TMTC1: variants seen among roughly 807,000 people sequenced by gnomAD.
TMTC1 encodes the protein protein O-mannosyl-transferase TMTC1.
Under a neutral mutation model 104.8 loss-of-function variants are expected in TMTC1, and 73 were observed. That is an observed-to-expected ratio of 0.70 (90% CI 0.58 to 0.85). TMTC1 has a LOEUF of 0.85. Ranked by LOEUF, TMTC1 falls within the 40% of genes least tolerant of loss-of-function variation. The pLI, the probability that TMTC1 is intolerant of heterozygous loss-of-function variation, is 0.00. For synonymous variants in TMTC1, 434 were observed against 428.7 expected (o/e 1.01, Z -0.15); for missense variants, 1,035 against 1,096.1 (o/e 0.94, Z 0.79).
chr12:29,644,052 A>AAATATATAATTTATATATG lies in TMTC1; in HGVS notation c.939-10717_939-10716insCATATATAAATTATATATT, dbSNP rs1565734832. On this transcript the variant is annotated intron_variant, in intron 5 of 17. Coordinates refer to ENST00000539277, the MANE Select transcript of TMTC1 (RefSeq NM_001193451.2). ...AAATATAAATATATAATTTATATAT[A>AAATATATAATTTATATATG]AATATAAATATATAATTTATAGATA... Among the ~76,000 whole-genome samples the AAATATATAATTTATATATG allele has an allele frequency of 3.0e-3, 106 of 35,850 alleles. 2 individuals carry two copies. Among genetic ancestry groups the AAATATATAATTTATATATG allele is most frequent in the African/African-American group, 7.6e-3 (102 of 13,404 alleles). 23.5% of individuals were successfully genotyped at this position (35,850 alleles called of 152,430 possible).
intron 1 of TMTC1, among the ~76,000 whole-genome samples, chr12:29,780,652 T>A (rs918133827): frequency 3.1e-5 from 4 of 130,600 alleles, no homozygotes; most frequent in Non-Finnish European, 5.2e-5. Context: ...ACACACTTAG[T>A]AAAATAAAAA....
chr12:29,627,937 G>A (rs1044829197), intron 6 of TMTC1, among the ~76,000 whole-genome samples: 1 of 152,136 alleles, frequency 6.6e-6, no homozygotes, highest in African/African-American at 2.4e-5. Flanking sequence ...ATACCAAAAA[G>A]ACGCAGCTTC....
chr12:29,568,780 T>C (rs963373324), intron 9 of TMTC1: 1 of 385,322 alleles, frequency 2.6e-6, no homozygotes. Flanking sequence ...CGGGGCTTAT[T>C]AGCTGAGGCA....
chr12:29,692,927 T>G lies in TMTC1; in HGVS notation c.938+58739A>C, dbSNP rs777197438. Among the ~76,000 whole-genome samples the G allele has an allele frequency of 1.6e-4, 23 of 144,958 alleles. 4 individuals are homozygous for G. The highest frequency in any genetic ancestry group is 2.1e-4 in the Non-Finnish European group (14 of 66,214). On this transcript the variant is annotated intron_variant, in intron 5 of 17. Transcript: ENST00000539277. The stretch of plus-strand genomic sequence containing the variant: ...GTTTTATTATTATATTTATATGTAA[T>G]GTCTAGAAAAGGCGAATCTACAAAA...
intron 1 of TMTC1, among the ~76,000 whole-genome samples, chr12:29,773,341 C>G (rs1943636579): frequency 6.6e-6 from 1 of 152,148 alleles, no homozygotes; most frequent in Non-Finnish European, 1.5e-5. Flanking sequence ...TCTGCTTCCT[C>G]ACTCCCACAG....
chr12:29,682,353 A>T (rs1426422173), intron 5 of TMTC1, among the ~76,000 whole-genome samples: 1 of 152,182 alleles, frequency 6.6e-6, no homozygotes, highest in Non-Finnish European at 1.5e-5. Context: ...ACATACAGTT[A>T]CCATAAAGCC....
At chr12:29,603,139 G>C (rs570262896) in intron 7 of TMTC1, among the ~76,000 whole-genome samples, 1 of 151,940 alleles carries the variant, frequency 6.6e-6, no homozygotes, top group Non-Finnish European at 1.5e-5. Flanking sequence ...TCCCAAATTG[G>C]GCTGAAGACA....
At chr12:29,541,206 T>A (rs911192454) in intron 10 of TMTC1, among the ~76,000 whole-genome samples, 4 of 152,282 alleles carry the variant, frequency 2.6e-5, no homozygotes, top group African/African-American at 9.6e-5. Flanking sequence ...CAAGCCTAAC[T>A]TAGAATCATA....
At chr12:29,586,610 T>C (rs991733007) in intron 7 of TMTC1, among the ~76,000 whole-genome samples, 4 of 152,066 alleles carry the variant, frequency 2.6e-5, no homozygotes, top group Non-Finnish European at 5.9e-5. Context: ...ATACATCCCA[T>C]CAATACCTAA....
At chr12:29,560,657 T>C (rs891354694) in intron 9 of TMTC1, among the ~76,000 whole-genome samples, 2 of 152,172 alleles carry the variant, frequency 1.3e-5, no homozygotes, top group Non-Finnish European at 2.9e-5. Flanking sequence ...TGTGGTTCTA[T>C]GAGCTGAAGA....
chr12:29,703,406 C>A (rs1017436269), intron 5 of TMTC1, among the ~76,000 whole-genome samples: 5 of 152,164 alleles, frequency 3.3e-5, no homozygotes, highest in Non-Finnish European at 5.9e-5. Flanking sequence ...GTTTAAACAA[C>A]AACTTATTTC....
intron 5 of TMTC1, among the ~76,000 whole-genome samples, chr12:29,734,699 A>G (rs955477721): frequency 3.9e-5 from 6 of 152,168 alleles, no homozygotes; most frequent in African/African-American, 1.4e-4. Context: ...AAGCTCATTT[A>G]AAATAATAAC....
chr12:29,635,189 T>C (rs1166201376), intron 5 of TMTC1, among the ~76,000 whole-genome samples: 1 of 142,528 alleles, frequency 7.0e-6, no homozygotes, highest in African/African-American at 2.7e-5. Context: ...CAACAAAAAA[T>C]GCCAAAAAAA....
chr12:29,779,775 C>T (rs1267929051), intron 1 of TMTC1, among the ~76,000 whole-genome samples: 2 of 152,094 alleles, frequency 1.3e-5, no homozygotes, highest in African/African-American at 4.8e-5. Flanking sequence ...TTACCAATCA[C>T]ATACTTGACA....
intron 6 of TMTC1, among the ~76,000 whole-genome samples, chr12:29,610,614 C>T (rs74825099): frequency 0.047 from 7,188 of 152,254 alleles, 582 homozygotes; most frequent in African/African-American, 0.16. Context: ...AGCCGATTCT[C>T]AGAGCCTGTT....
rs560105168 is a variant in TMTC1, at chr12:29,516,355, G to T, written c.2301C>A (p.His767Gln). Residue 767 changes from histidine (H) to glutamine (Q), a missense_variant, in exon 15 of 18, where the codon CAC (histidine) becomes CAA (glutamine). Transcript: ENST00000539277. ...LSAIYSKQEN[H>Q]DKALDAIDKA... ...AAACAATGTCCTTCTTTACCTTGTC[G>T]TGGTTCTCCTGCTTGCTATAGATGG... The T allele has an allele frequency of 3.1e-6, 5 of 1,612,728 alleles. No individual in the cohort carries two copies. Among genetic ancestry groups the T allele is most frequent in the South Asian group, 1.1e-5 (1 of 90,924 alleles).
chr12:29,715,875 G>A (rs1370519456), intron 5 of TMTC1, among the ~76,000 whole-genome samples: 1 of 151,920 alleles, frequency 6.6e-6, no homozygotes, highest in Non-Finnish European at 1.5e-5. Flanking sequence ...AACAGCATGG[G>A]GGAAACCACA....
intron 6 of TMTC1, among the ~76,000 whole-genome samples, chr12:29,607,536 A>G (rs550407965): frequency 2.6e-4 from 39 of 152,316 alleles, no homozygotes; most frequent in African/African-American, 9.4e-4. Flanking sequence ...GGGAGAAGAT[A>G]TGGAATGTAC....
chr12:29,708,461 T>G (rs1165833235), intron 5 of TMTC1, among the ~76,000 whole-genome samples: 1 of 152,148 alleles, frequency 6.6e-6, no homozygotes, highest in African/African-American at 2.4e-5. Context: ...TCCAAAACAC[T>G]AGCTCTTAAC....
Sources: allele counts gnomAD v4.1 joint callset (sites outside exome capture counted in the v4.1 genomes callset), GRCh38; gene constraint gnomAD v4.1.1; transcripts MANE v1.5; gene names NCBI Gene and HGNC (gene_info 2026-07-23, HGNC 2026-07-21).